The following CSMD1 variants were observed in gnomAD, a reference collection of about 807,000 sequenced individuals.
The protein encoded by CSMD1 is CUB and Sushi multiple domains 1.
CSMD1 carries 213 observed loss-of-function variants against 417.5 expected under a neutral mutation model. The observed-to-expected ratio is 0.51, with a 90% confidence interval of 0.46 to 0.57. The LOEUF is 0.57. CSMD1 is among the 20% of genes least tolerant of loss of function. The pLI, the probability that CSMD1 is intolerant of heterozygous loss-of-function variation, is 0.00. For missense variants in CSMD1, 6,923 were observed against 4,529.7 expected (o/e 1.53, Z -15.17); for synonymous variants, 2,862 against 1,736.8 (o/e 1.65, Z -16.11).
rs188628654 is a variant in CSMD1 at position 3,527,045 on chromosome 8, T to G, written c.1345-33319A>C. Among the ~76,000 whole-genome samples, 747 of 152,098 alleles carry G rather than the reference T, an allele frequency of 4.9e-3. 5 individuals carry two copies. The highest frequency in any genetic ancestry group is 0.017 in the African/African-American group (713 of 41,430). On this transcript the variant is annotated intron_variant, in intron 10 of 69. Transcript: ENST00000635120. ...GAATGTGGCTGGGCTGCAGTTGTCG[T>G]ATGCATGCCGGGTCAGTGCCACGCT...
intron 1 of CSMD1, among the ~76,000 whole-genome samples, chr8:4,663,416 T>G (rs891036546): frequency 1.2e-4 from 19 of 152,126 alleles, no homozygotes; most frequent in African/African-American, 4.6e-4. Flanking sequence ...TGGGTCAATG[T>G]CCCTGCCGAA....
chr8:3,926,082 TACACACACACAC>T (rs58966907), intron 5 of CSMD1, among the ~76,000 whole-genome samples: 2,094 of 103,876 alleles, frequency 0.02, 115 homozygotes, highest in African/African-American at 0.059. Context: ...ACAAACACCA[TACACACACACAC>T]ACACACACAC....
intron 7 of CSMD1, among the ~76,000 whole-genome samples, chr8:3,668,053 G>A (rs906737523): frequency 6.6e-6 from 1 of 152,184 alleles, no homozygotes; most frequent in Non-Finnish European, 1.5e-5. Context: ...CCAAGGATGA[G>A]CCTTGCTCAG....
chr8:4,721,782 A>G (rs1413017541), intron 1 of CSMD1, among the ~76,000 whole-genome samples: 2 of 152,182 alleles, frequency 1.3e-5, no homozygotes, highest in East Asian at 3.9e-4. Flanking sequence ...ATCATTCACA[A>G]TAGCCAAGGT....
At chr8:3,973,186 CT>C (rs1813200694) in intron 5 of CSMD1, among the ~76,000 whole-genome samples, 1 of 152,118 alleles carries the variant, frequency 6.6e-6, no homozygotes, top group Admixed American at 6.5e-5. Context: ...AAACTGTTAC[CT>C]TAAATGGTGG....
chr8:4,747,874 C>G (rs948525638), intron 1 of CSMD1, among the ~76,000 whole-genome samples: 2 of 152,208 alleles, frequency 1.3e-5, no homozygotes, highest in African/African-American at 2.4e-5. Flanking sequence ...ATAACACGCA[C>G]CAGGATATCT....
intron 9 of CSMD1, among the ~76,000 whole-genome samples, chr8:3,582,116 T>C (rs141308637): frequency 4.6e-5 from 7 of 152,292 alleles, no homozygotes; most frequent in Admixed American, 1.3e-4. Flanking sequence ...TCTGATACTA[T>C]TTTTTGTGGT....
intron 1 of CSMD1, among the ~76,000 whole-genome samples, chr8:4,695,362 C>T (rs1563159389): frequency 6.6e-6 from 1 of 152,124 alleles, no homozygotes; most frequent in Non-Finnish European, 1.5e-5. Flanking sequence ...TGAGGACTGG[C>T]CCCTGTTCAC....
intron 7 of CSMD1, among the ~76,000 whole-genome samples, chr8:3,650,767 T>C (rs1032020648): frequency 2.6e-5 from 4 of 152,164 alleles, no homozygotes; most frequent in Non-Finnish European, 4.4e-5. Context: ...AAAAATGTGA[T>C]TTTTTTCTAA....
chr8:4,165,308 GGTATCTCAGCT>G (rs1397898431), intron 3 of CSMD1, among the ~76,000 whole-genome samples: 3 of 152,168 alleles, frequency 2.0e-5, no homozygotes, highest in African/African-American at 7.2e-5. Flanking sequence ...CTGTGTGCCG[GGTATCTCAGCT>G]GTAGAAGCGC....
chr8:4,828,700 TG>T (rs1397708637), intron 1 of CSMD1, among the ~76,000 whole-genome samples: 3 of 152,144 alleles, frequency 2.0e-5, no homozygotes, highest in African/African-American at 7.2e-5. Flanking sequence ...AAAGTCAACC[TG>T]GCATGACTTA....
chr8:3,624,140 T>A (rs1047856000), intron 7 of CSMD1, among the ~76,000 whole-genome samples: 1 of 152,142 alleles, frequency 6.6e-6, no homozygotes, highest in Non-Finnish European at 1.5e-5. Context: ...ATTTAATTAA[T>A]AATAAAAATA....
At chr8:3,059,609 A>C (rs1276697118) in intron 49 of CSMD1, among the ~76,000 whole-genome samples, 1 of 152,120 alleles carries the variant, frequency 6.6e-6, no homozygotes. Flanking sequence ...CAGTGACACC[A>C]ACTCATTTGT....
intron 1 of CSMD1, among the ~76,000 whole-genome samples, chr8:4,902,898 T>G (rs1281021033): frequency 6.6e-6 from 1 of 151,416 alleles, no homozygotes; most frequent in Non-Finnish European, 1.5e-5. Context: ...ATGTATATTT[T>G]TACACAAGCA....
chr8:3,931,425 A>G (rs1392267969), intron 5 of CSMD1, among the ~76,000 whole-genome samples: 9 of 150,550 alleles, frequency 6.0e-5, no homozygotes, highest in Non-Finnish European at 1.2e-4. Context: ...TGTGGAAAAA[A>G]AAATCTTTCA....
At chr8:3,902,080 T>C (rs936910843) in intron 5 of CSMD1, among the ~76,000 whole-genome samples, 1 of 152,194 alleles carries the variant, frequency 6.6e-6, no homozygotes, top group Non-Finnish European at 1.5e-5. Flanking sequence ...CAGATTCCTA[T>C]TTGTCTTGAA....
chr8:3,298,680 C>G (rs1343499464), intron 25 of CSMD1, among the ~76,000 whole-genome samples: 1 of 152,216 alleles, frequency 6.6e-6, no homozygotes, highest in Admixed American at 6.5e-5. Context: ...TCTTGAACTC[C>G]TGATCTCAGG....
At chr8:3,122,497 G>C (rs1817264937) in intron 41 of CSMD1, among the ~76,000 whole-genome samples, 1 of 152,140 alleles carries the variant, frequency 6.6e-6, no homozygotes, top group African/African-American at 2.4e-5. Flanking sequence ...ACGTGGTATG[G>C]CTGTGTCCCC....
At chr8:4,432,977 T>G (rs180675892) in intron 2 of CSMD1, among the ~76,000 whole-genome samples, 64 of 152,294 alleles carry the variant, frequency 4.2e-4, no homozygotes, top group African/African-American at 1.5e-3. Context: ...TCCACCCTCC[T>G]GTCAGATCAG....
Sources: allele counts gnomAD v4.1 joint callset (sites outside exome capture counted in the v4.1 genomes callset), GRCh38; gene constraint gnomAD v4.1.1; transcripts MANE v1.5; gene names NCBI Gene and HGNC (gene_info 2026-07-23, HGNC 2026-07-21).